Variants in PLPPR1 observed in about 807,000 individuals in gnomAD.
PLPPR1 encodes the protein phospholipid phosphatase related 1.
Under a neutral mutation model 33.1 loss-of-function variants are expected in PLPPR1, and 10 were observed. That is an observed-to-expected ratio of 0.30 (90% CI 0.19 to 0.51). PLPPR1 has a LOEUF of 0.51. Among genes scored for constraint, PLPPR1 ranks in the 20% least tolerant of loss-of-function variants. The pLI is 0.97. For missense variants in PLPPR1, 304 were observed against 408.1 expected (o/e 0.74, Z 2.20); for synonymous variants, 151 against 151.0 (o/e 1.00, Z 0.00).
In PLPPR1 at chr9:101,080,705, G is replaced by A. The variant is rs182661595; in HGVS notation, c.-46+51603G>A. On this transcript the variant is annotated intron_variant, in intron 1 of 7. Coordinates refer to ENST00000374874, the MANE Select transcript of PLPPR1 (RefSeq NM_207299.2). The stretch of plus-strand genomic sequence containing the variant: ...TGCCAACCTCCGGGAACTGAGAGAT[G>A]GAAAGGGGCTGAGGTCTGAGCATTC... Among the ~76,000 whole-genome samples the A allele has an allele frequency of 5.9e-3, 897 of 152,196 alleles. 9 individuals carry two copies. Among genetic ancestry groups the A allele is most frequent in the South Asian group, 0.026 (125 of 4,816 alleles).
rs974957766 is a variant in PLPPR1, at chr9:101,283,494, G to T, written c.253-2610G>T. ...TAAAATTAAGACTTTATCTCACACC[G>T]TATACAAAAATCAACTCAAAATGGA... is the stretch of plus-strand genomic sequence containing the variant. On this transcript the variant is annotated intron_variant, in intron 3 of 7. Transcript: ENST00000374874. 3.9e-5 allele frequency among the ~76,000 whole-genome samples: 6 copies of T among 152,062 alleles called. No individual in the cohort carries two copies. In the East Asian group the frequency reaches 1.2e-3, roughly 29 times the overall value.
chr9:101,117,509 C>T (rs1831130491), intron 1 of PLPPR1, among the ~76,000 whole-genome samples: 1 of 152,126 alleles, frequency 6.6e-6, no homozygotes, highest in Non-Finnish European at 1.5e-5. Flanking sequence ...CACCCTTTTC[C>T]TGGAAAACTC....
intron 2 of PLPPR1, among the ~76,000 whole-genome samples, chr9:101,210,216 A>G (rs1042653866): frequency 6.6e-6 from 1 of 152,236 alleles, no homozygotes; most frequent in Admixed American, 6.5e-5. Context: ...TTAGTGAGGT[A>G]TGAATTGCAT....
At chr9:101,090,703 G>C (rs1051052912) in intron 1 of PLPPR1, among the ~76,000 whole-genome samples, 2 of 150,012 alleles carry the variant, frequency 1.3e-5, no homozygotes, top group African/African-American at 4.9e-5. Context: ...GGACGACAGA[G>C]CAAGACTCTG....
intron 3 of PLPPR1, among the ~76,000 whole-genome samples, chr9:101,285,242 T>C (rs1361056877): frequency 6.6e-6 from 1 of 152,102 alleles, no homozygotes; most frequent in Non-Finnish European, 1.5e-5. Context: ...TTGTTTTAAA[T>C]GGGAATACAC....
At chr9:101,319,368 G>T (rs944501651) in intron 7 of PLPPR1, among the ~76,000 whole-genome samples, 19 of 151,736 alleles carry the variant, frequency 1.3e-4, no homozygotes, top group Admixed American at 7.2e-4. Flanking sequence ...AGTAGAGACG[G>T]TTTTTTGCCA....
intron 1 of PLPPR1, among the ~76,000 whole-genome samples, chr9:101,159,658 A>G (rs1288314450): frequency 6.6e-6 from 1 of 152,258 alleles, no homozygotes; most frequent in Non-Finnish European, 1.5e-5. Context: ...AAGAGAGACC[A>G]GTTAGAAAGA....
chr9:101,118,432 A>G lies in PLPPR1; in HGVS notation c.-45-67018A>G, dbSNP rs140401640. On this transcript the variant is annotated intron_variant, in intron 1 of 7. Coordinates refer to ENST00000374874, the MANE Select transcript of PLPPR1 (RefSeq NM_207299.2). Reference sequence around the variant, plus strand: ...AACAAGAGGTGACGAGAAATTGAGGAGGAAGTGAAGCACAGAAGATCTGAG... The same window carrying G: ...AACAAGAGGTGACGAGAAATTGAGGGGGAAGTGAAGCACAGAAGATCTGAG... Among the ~76,000 whole-genome samples, 41 of 152,330 alleles carry G rather than the reference A, an allele frequency of 2.7e-4. No homozygotes were observed. In the South Asian group the frequency reaches 3.7e-3, roughly 14 times the overall value.
intron 1 of PLPPR1, among the ~76,000 whole-genome samples, chr9:101,173,759 C>A (rs1564165697): frequency 2.0e-5 from 3 of 152,098 alleles, no homozygotes; most frequent in Admixed American, 6.6e-5. Context: ...TTTTCTCTCT[C>A]CCCTTGAAGA....
intron 4 of PLPPR1, among the ~76,000 whole-genome samples, chr9:101,300,631 G>C (rs532700802): frequency 2.0e-5 from 3 of 152,298 alleles, no homozygotes; most frequent in Admixed American, 6.5e-5. Context: ...CAGATCATCA[G>C]CTTCAGCTTT....
chr9:101,111,551 T>C (rs967964249), intron 1 of PLPPR1, among the ~76,000 whole-genome samples: 1 of 152,210 alleles, frequency 6.6e-6, no homozygotes. Flanking sequence ...CATGCCTAAA[T>C]AACATTAAAT....
intron 2 of PLPPR1, among the ~76,000 whole-genome samples, chr9:101,255,379 A>G (rs1176983401): frequency 6.6e-6 from 1 of 152,122 alleles, no homozygotes; most frequent in Non-Finnish European, 1.5e-5. Context: ...CCCTCTAGAA[A>G]TTGCTTATTC....
chr9:101,238,347 AGGTGTATATATATATATG>A (rs1171113655), intron 2 of PLPPR1, among the ~76,000 whole-genome samples: 1 of 101,762 alleles, frequency 9.8e-6, no homozygotes, highest in African/African-American at 4.6e-5. Context: ...CTATATATAG[AGGTGTATATATATATATG>A]GGTATATATA....
At chr9:101,232,033 C>T (rs1339881885) in intron 2 of PLPPR1, among the ~76,000 whole-genome samples, 1 of 152,036 alleles carries the variant, frequency 6.6e-6, no homozygotes, top group East Asian at 1.9e-4. Flanking sequence ...TACAAACACA[C>T]ATTTCAGCAC....
chr9:101,303,630 T>C (rs1828793555), intron 4 of PLPPR1, among the ~76,000 whole-genome samples: 1 of 152,006 alleles, frequency 6.6e-6, no homozygotes, highest in Non-Finnish European at 1.5e-5. Context: ...TGAGAACGAA[T>C]GTTAAGGAAA....
At chr9:101,062,149 G>GGTTGTGTGT (rs374602198) in intron 1 of PLPPR1, among the ~76,000 whole-genome samples, 15 of 148,550 alleles carry the variant, frequency 1.0e-4, no homozygotes, top group African/African-American at 3.2e-4. Context: ...GACAAAATGT[G>GGTTGTGTGT]GTGTGTGTGT....
At chr9:101,165,224 G>T (rs1825838452) in intron 1 of PLPPR1, among the ~76,000 whole-genome samples, 1 of 152,146 alleles carries the variant, frequency 6.6e-6, no homozygotes, top group Non-Finnish European at 1.5e-5. Context: ...ATCAGACTGG[G>T]CTTAAGAGGG....
At chr9:101,223,580 T>C (rs559262079) in intron 2 of PLPPR1, among the ~76,000 whole-genome samples, 36 of 152,218 alleles carry the variant, frequency 2.4e-4, no homozygotes, top group African/African-American at 6.0e-4. Flanking sequence ...GTGGAGGTAA[T>C]TGAATTATGG....
intron 1 of PLPPR1, among the ~76,000 whole-genome samples, chr9:101,045,385 TGG>T (rs1830132198): frequency 6.6e-6 from 1 of 152,168 alleles, no homozygotes; most frequent in African/African-American, 2.4e-5. Flanking sequence ...ATTTGTGGAA[TGG>T]GTGAGTGAAT....
Sources: gnomAD v4.1 joint callset for allele counts (sites outside exome capture counted in the v4.1 genomes callset) on GRCh38, gnomAD v4.1.1 for gene constraint, MANE v1.5 for transcripts, NCBI Gene and HGNC (gene_info 2026-07-23, HGNC 2026-07-21) for gene names.